The following HK1 variants were observed in gnomAD, a reference collection of about 807,000 sequenced individuals.
HK1 encodes the protein hexokinase-1.
HK1 carries 28 observed loss-of-function variants against 91.6 expected under a neutral mutation model. The ratio of observed to expected loss-of-function variants is 0.31; its 90% CI spans 0.23 to 0.42. The LOEUF (loss-of-function observed/expected upper bound fraction) is 0.42, where lower values mean the gene tolerates loss of function less well. HK1 is among the 10% of genes least tolerant of loss of function. HK1 has a pLI of 1.00. For synonymous variants in HK1, 430 were observed against 468.1 expected (o/e 0.92, Z 1.05); for missense variants, 770 against 1,219.8 (o/e 0.63, Z 5.49).
intron 7 of HK1, among the ~76,000 whole-genome samples, chr10:69,375,304 A>G (rs1281754023): frequency 6.6e-6 from 1 of 152,222 alleles, no homozygotes; most frequent in African/African-American, 2.4e-5. Flanking sequence ...ATAACCTTAC[A>G]GGAAAGCAGT....
At chr10:69,378,409 G>T (rs1032662444) in intron 8 of HK1, among the ~76,000 whole-genome samples, 1 of 151,928 alleles carries the variant, frequency 6.6e-6, no homozygotes, top group South Asian at 2.1e-4. Flanking sequence ...ATTTGGCATC[G>T]TACTGGAGTC....
At chr10:69,362,857 G>A (rs1849504475) in intron 3 of HK1, among the ~76,000 whole-genome samples, 3 of 152,176 alleles carry the variant, frequency 2.0e-5, no homozygotes, top group South Asian at 4.1e-4. Context: ...CTCTGGGGAG[G>A]GTCATGTGTC....
At chr10:69,334,749 A>T (rs1363415752) in intron 1 of HK1, among the ~76,000 whole-genome samples, 1 of 152,168 alleles carries the variant, frequency 6.6e-6, no homozygotes, top group Non-Finnish European at 1.5e-5. Flanking sequence ...CTCACGGTCT[A>T]GCTGGCGGTG....
chr10:69,309,694 G>A (rs80081105), intron 5 of HK1, among the ~76,000 whole-genome samples: 13,313 of 150,788 alleles, frequency 0.088, 1,197 homozygotes, highest in East Asian at 0.55. Context: ...CCAGCTCCTC[G>A]GGAGGCTGAG....
intron 4 of HK1, among the ~76,000 whole-genome samples, chr10:69,365,273 G>A (rs1448373799): frequency 3.3e-5 from 5 of 152,068 alleles, no homozygotes; most frequent in South Asian, 2.1e-4. Context: ...TGGTTACTGC[G>A]AATATGCTCA....
intron 14 of HK1, among the ~76,000 whole-genome samples, chr10:69,391,811 T>C (rs958623629): frequency 3.9e-5 from 6 of 152,364 alleles, no homozygotes; most frequent in African/African-American, 1.4e-4. Flanking sequence ...CCTAAACCTC[T>C]ACCATTGATG....
intron 11 of HK1, 98 bp from the exon 12 acceptor site, chr10:69,384,697 GT>G (rs959883825): frequency 1.3e-6 from 2 of 1,537,452 alleles, no homozygotes; most frequent in African/African-American, 2.7e-5. Flanking sequence ...TGTGGGGTGT[GT>G]TTTCCTACGT....
Position 69,364,911 on chromosome 10 carries a change from G to A in HK1, c.495+9G>A. ...AATCCAAAATAGATGAGGTAAGGAT[G>A]TTCTGGGATTATCGGGCTCTGCAGA... On this transcript the variant is annotated intron_variant, in intron 4 of 17. Transcript: ENST00000359426. 1.2e-6 allele frequency: 2 copies of A among 1,614,158 alleles called. No homozygotes were observed. The highest frequency in any genetic ancestry group is 1.7e-6 in the Non-Finnish European group (2 of 1,180,028).
intron 7 of HK1, among the ~76,000 whole-genome samples, chr10:69,374,086 A>G (rs1850157403): frequency 6.6e-6 from 1 of 152,142 alleles, no homozygotes; most frequent in Admixed American, 6.5e-5. Flanking sequence ...TTTGGCCTGG[A>G]TGGTGGTTGA....
At chr10:69,386,196 G>A in intron 12 of HK1, 127 bp from the exon 13 acceptor site, 2 of 745,094 alleles carry the variant, frequency 2.7e-6, no homozygotes, top group South Asian at 1.5e-5. Flanking sequence ...GTCCTCAGAT[G>A]TTTGAACTCC....
chr10:69,271,523 C>G (rs1350902556), intron 1 of HK1, among the ~76,000 whole-genome samples: 5 of 146,224 alleles, frequency 3.4e-5, no homozygotes, highest in Non-Finnish European at 5.9e-5. Context: ...GTTGCCCAGG[C>G]TGAAGTGCAG....
At chr10:69,379,701 C>T (rs1375294426) in intron 8 of HK1, among the ~76,000 whole-genome samples, 161 bp from the exon 9 acceptor site, 4 of 152,140 alleles carry the variant, frequency 2.6e-5, no homozygotes, top group Non-Finnish European at 5.9e-5. Context: ...AGAACCCTTC[C>T]TGGGCTCTTC....
In HK1 at chr10:69,326,123, C is replaced by T. The variant is rs187317499; in HGVS notation, c.63+7113C>T. On this transcript the variant is annotated intron_variant, in intron 1 of 17. Coordinates refer to ENST00000359426, the MANE Select transcript of HK1 (RefSeq NM_000188.3). ...TGTTGGGATTACAGACGTGAGCCAC[C>T]GCGCCTGGCCGCTTTTTTTTTTTTT... Among the ~76,000 whole-genome samples, 232 of 150,014 alleles carry T rather than the reference C, an allele frequency of 1.5e-3. 1 individual carries two copies. The highest frequency in any genetic ancestry group is 5.4e-3 in the Admixed American group (81 of 15,040).
At chr10:69,279,991 T>C (rs535725328) in intron 1 of HK1, among the ~76,000 whole-genome samples, 1 of 152,304 alleles carries the variant, frequency 6.6e-6, no homozygotes, top group South Asian at 2.1e-4. Context: ...CCACCCATAT[T>C]GTCATCCTTG....
Position 69,382,654 on chromosome 10 carries a change from A to C in HK1, c.1433A>C (p.His478Pro). Residue 478 changes from histidine (H) to proline (P), a missense_variant, in exon 10 of 18, where the codon CAC (histidine) becomes CCC (proline). His to Pro is a moderately conservative substitution (Grantham distance 77). Coordinates refer to ENST00000359426, the MANE Select transcript of HK1 (RefSeq NM_000188.3). ...ATAGAGGAGACCCTGGCTCATTTCC[A>C]CCTCACCAAGGACATGCTGCTGGAG... Reference protein sequence around the residue: ...RQIEETLAHFHLTKDMLLEVK... With the variant: ...RQIEETLAHFPLTKDMLLEVK... The C allele has an allele frequency of 1.2e-6, 2 of 1,614,036 alleles. No individual in the cohort carries two copies. Among genetic ancestry groups the C allele is most frequent in the Non-Finnish European group, 1.7e-6 (2 of 1,179,996 alleles).
At chr10:69,286,618 G>A (rs1270613767) in intron 2 of HK1, among the ~76,000 whole-genome samples, 3 of 151,134 alleles carry the variant, frequency 2.0e-5, no homozygotes, top group African/African-American at 7.3e-5. Context: ...GTGCAATCTC[G>A]GCTCACTGCA....
intron 12 of HK1, among the ~76,000 whole-genome samples, chr10:69,385,209 A>G (rs1193540672): frequency 6.6e-6 from 1 of 152,164 alleles, no homozygotes; most frequent in East Asian, 1.9e-4. Context: ...CCTTGCTTAT[A>G]ACACTTCTTA....
chr10:69,360,074 C>T (rs534416124), intron 3 of HK1, 29 bp downstream of exon 3: 28 of 1,611,066 alleles, frequency 1.7e-5, no homozygotes, highest in Middle Eastern at 1.9e-4. Flanking sequence ...CGGGTCACCC[C>T]GTCGGGCCAG....
intron 1 of HK1, among the ~76,000 whole-genome samples, chr10:69,328,555 G>A (rs150653122): frequency 1.8e-3 from 271 of 152,280 alleles, no homozygotes; most frequent in Non-Finnish European, 2.7e-3. Context: ...GATTTCAGAC[G>A]GTGAGGCCCA....
Sources: gnomAD v4.1 joint callset for allele counts (sites outside exome capture counted in the v4.1 genomes callset) on GRCh38, gnomAD v4.1.1 for gene constraint, MANE v1.5 for transcripts, NCBI Gene and HGNC (gene_info 2026-07-23, HGNC 2026-07-21) for gene names.